Variants in KLHL29 observed in about 807,000 individuals in gnomAD.
KLHL29 encodes kelch-like protein 29.
KLHL29 carries 21 observed loss-of-function variants against 80.4 expected under a neutral mutation model. That is an observed-to-expected ratio of 0.26 (90% CI 0.19 to 0.38). KLHL29 has a LOEUF of 0.38. Among genes scored for constraint, KLHL29 ranks in the 10% least tolerant of loss-of-function variants. KLHL29 has a pLI of 1.00. For missense variants in KLHL29, 867 were observed against 1,223.9 expected, an observed-to-expected ratio of 0.71 and a Z score of 4.35; for synonymous variants, 511 against 526.8, an observed-to-expected ratio of 0.97 and a Z score of 0.41.
intron 1 of KLHL29, among the ~76,000 whole-genome samples, chr2:23,473,737 G>A (rs966109099): frequency 1.3e-5 from 2 of 152,146 alleles, no homozygotes; most frequent in African/African-American, 4.8e-5. Flanking sequence ...TGGTGGCTGG[G>A]ATCTTTGGGC....
At position 23,696,311 on chromosome 2, in the gene KLHL29, C is replaced by T. The variant is rs1242638074; in HGVS notation, c.1925-22C>T. On this transcript the variant is annotated intron_variant, in intron 10 of 13. Transcript: ENST00000486442. This position sits in a 1 kb window ranked among gnomAD's most constrained non-coding sequence, Gnocchi z 5.5. Reference sequence around the variant, plus strand: ...CCCCTCCTCACCCCGCCCGCTCTCTCTGCCTCCCACACTGCCTCCAGGTGG... The same window carrying T: ...CCCCTCCTCACCCCGCCCGCTCTCTTTGCCTCCCACACTGCCTCCAGGTGG... 5.2e-6 allele frequency: 8 copies of T among 1,550,432 alleles called. No individual in the cohort carries two copies. Among genetic ancestry groups the T allele is most frequent in the Admixed American group, 3.9e-5 (2 of 50,976 alleles).
At chr2:23,545,873 C>G (rs1435928957) in intron 2 of KLHL29, among the ~76,000 whole-genome samples, 2 of 152,222 alleles carry the variant, frequency 1.3e-5, no homozygotes, top group South Asian at 4.1e-4. Context: ...ACAGCTTTCT[C>G]TGGACTCCCT....
rs536271171 is a variant in KLHL29 at position 23,706,796 on chromosome 2, T to G, written c.*132T>G. ...AAGGAACTCACTGCGCTCAACATGT[T>G]GAATATTCTCTACATTGAATGTAGA... is the stretch of plus-strand genomic sequence containing the variant. On this transcript the variant is annotated 3_prime_UTR_variant, in exon 14 of 14. Transcript: ENST00000486442. 44 of 619,198 alleles carry G rather than the reference T, an allele frequency of 7.1e-5. No homozygotes were observed. In the Admixed American group the frequency reaches 1.2e-3, roughly 17 times the overall value. 38.4% of individuals were successfully genotyped at this position (619,198 alleles called of 1,614,324 possible).
chr2:23,444,833 G>A (rs1327806466), intron 1 of KLHL29, among the ~76,000 whole-genome samples: 2 of 152,098 alleles, frequency 1.3e-5, no homozygotes, highest in Non-Finnish European at 2.9e-5. Context: ...GAGTTGAAAA[G>A]TCATTTGAAA....
At chr2:23,462,393 CT>C (rs1664239824) in intron 1 of KLHL29, among the ~76,000 whole-genome samples, 2 of 152,166 alleles carry the variant, frequency 1.3e-5, no homozygotes. Context: ...GGTCTATCAC[CT>C]GTGAGTTCAC....
At chr2:23,590,004 G>A (rs1367554884) in intron 3 of KLHL29, among the ~76,000 whole-genome samples, 1 of 152,230 alleles carries the variant, frequency 6.6e-6, no homozygotes, top group Non-Finnish European at 1.5e-5. Context: ...CCCTTCCAAA[G>A]GGAGGCTGCC....
chr2:23,400,905 C>G (rs1045613977), intron 1 of KLHL29, among the ~76,000 whole-genome samples: 8 of 152,202 alleles, frequency 5.3e-5, no homozygotes, highest in Non-Finnish European at 1.2e-4. Flanking sequence ...AGCTGGCTAC[C>G]TGGACATGAT....
In KLHL29 at chr2:23,684,909, C is replaced by CCCCCA. The variant is rs1671195285; in HGVS notation, c.1079+375_1079+379dup. 6.6e-6 allele frequency among the ~76,000 whole-genome samples: 1 copy of CCCCCA among 152,186 alleles called. No individual in the cohort carries two copies. The highest frequency in any genetic ancestry group is 2.1e-4 in the South Asian group (1 of 4,814). On this transcript the variant is annotated intron_variant, in intron 6 of 13. Coordinates refer to ENST00000486442, the MANE Select transcript of KLHL29 (RefSeq NM_052920.2). This position sits in a 1 kb window ranked among gnomAD's most constrained non-coding sequence, Gnocchi z 4.4. ...CATTTTAAGGGATCACTACACACTG[C>CCCCCA]CCCCACCGGGCCAGAGCAGGATCCC...
chr2:23,695,326 C>T lies in KLHL29; in HGVS notation c.1543-297C>T, dbSNP rs1671882803. On this transcript the variant is annotated intron_variant, in intron 8 of 13. Transcript: ENST00000486442. The surrounding 1 kb of genome is among the most constrained non-coding windows in gnomAD (Gnocchi z 7.6). ...TGATCTGCAGCAGGGGTCCACAGCC[C>T]CAGGTGGAGTGAGAGAATGGGGTGC... is the stretch of plus-strand genomic sequence containing the variant. Among the ~76,000 whole-genome samples the T allele has an allele frequency of 6.6e-6, 1 of 152,096 alleles. No individual in the cohort carries two copies. Among genetic ancestry groups the T allele is most frequent in the Non-Finnish European group, 1.5e-5 (1 of 68,004 alleles).
chr2:23,707,324 A>G lies in KLHL29; in HGVS notation c.*660A>G, dbSNP rs1017008966. 2.0e-5 allele frequency: 3 copies of G among 152,156 alleles called. No homozygotes were observed. The highest frequency in any genetic ancestry group is 7.2e-5 in the African/African-American group (3 of 41,432). The allele number at this position is 152,156 out of a possible 1,614,324, so 9.4% of individuals were successfully genotyped here. ...GTGTTTTTGCTGGAGAAGGACAGTG[A>G]TTGCGCTAGCTTTCTCTTACCCGGT... is the stretch of plus-strand genomic sequence containing the variant. On this transcript the variant is annotated 3_prime_UTR_variant, in exon 14 of 14. Coordinates refer to ENST00000486442, the MANE Select transcript of KLHL29 (RefSeq NM_052920.2).
intron 2 of KLHL29, among the ~76,000 whole-genome samples, chr2:23,551,143 G>A (rs1029634890): frequency 2.6e-5 from 4 of 152,196 alleles, no homozygotes; most frequent in East Asian, 3.8e-4. Flanking sequence ...CTCCCTCATC[G>A]ATCCTGATGT....
At chr2:23,703,150 A>G in intron 11 of KLHL29, 36 bp from the exon 12 acceptor site, 2 of 1,390,340 alleles carry the variant, frequency 1.4e-6, no homozygotes, top group Non-Finnish European at 9.4e-7. Flanking sequence ...CACAAGGTCC[A>G]TCTTGACCCT....
At chr2:23,686,708 C>T (rs551577514) in intron 6 of KLHL29, among the ~76,000 whole-genome samples, 8 of 152,200 alleles carry the variant, frequency 5.3e-5, no homozygotes, top group Admixed American at 1.3e-4. Flanking sequence ...GCCTGACGGA[C>T]GCCCAGGTCC....
intron 3 of KLHL29, among the ~76,000 whole-genome samples, chr2:23,634,625 C>G (rs1669560459): frequency 1.3e-5 from 2 of 152,166 alleles, no homozygotes; most frequent in South Asian, 4.1e-4. Flanking sequence ...GTGTCCATGC[C>G]TTCATCACAC....
At chr2:23,472,160 G>A (rs62125383) in intron 1 of KLHL29, among the ~76,000 whole-genome samples, 4,691 of 151,900 alleles carry the variant, frequency 0.031, 85 homozygotes, top group Non-Finnish European at 0.045. Context: ...GAACAAGAAA[G>A]GAAAGATGTG....
intron 2 of KLHL29, among the ~76,000 whole-genome samples, chr2:23,561,910 CTG>C (rs1667455882): frequency 6.6e-6 from 1 of 152,168 alleles, no homozygotes; most frequent in African/African-American, 2.4e-5. Context: ...TCACTTTTAA[CTG>C]TGACTGGGTT....
intron 3 of KLHL29, among the ~76,000 whole-genome samples, chr2:23,600,005 G>A (rs1041773988): frequency 6.6e-6 from 1 of 152,124 alleles, no homozygotes; most frequent in Non-Finnish European, 1.5e-5. Flanking sequence ...CAGGAGATAC[G>A]CCACACTAAC....
chr2:23,504,895 G>A (rs1572362499), intron 2 of KLHL29, among the ~76,000 whole-genome samples: 1 of 152,188 alleles, frequency 6.6e-6, no homozygotes, highest in Non-Finnish European at 1.5e-5. Context: ...AAGCTCAGCT[G>A]ATGGCCCTGG....
intron 2 of KLHL29, among the ~76,000 whole-genome samples, chr2:23,525,054 A>G (rs1666257996): frequency 6.6e-6 from 1 of 152,228 alleles, no homozygotes; most frequent in Non-Finnish European, 1.5e-5. Context: ...TTTGTTTTTA[A>G]AAGATCTCCT....
Sources: gnomAD v4.1 joint callset for allele counts (sites outside exome capture counted in the v4.1 genomes callset) on GRCh38, gnomAD v4.1.1 for gene constraint, Gnocchi (gnomAD v3.1) non-coding constraint, MANE v1.5 for transcripts, NCBI Gene and HGNC (gene_info 2026-07-23, HGNC 2026-07-21) for gene names.